GRIA2: variants seen among roughly 807,000 people sequenced by gnomAD.
GRIA2 encodes the protein glutamate receptor 2.
GRIA2 carries 14 observed loss-of-function variants against 97.3 expected under a neutral mutation model. The observed-to-expected ratio is 0.14, with a 90% CI of 0.10 to 0.23. The LOEUF (loss-of-function observed/expected upper bound fraction) is 0.23, where lower values mean the gene tolerates loss of function less well. Ranked by LOEUF, GRIA2 falls within the 10% of genes least tolerant of loss-of-function variation. The pLI, the probability that GRIA2 is intolerant of heterozygous loss-of-function variation, is 1.00. For synonymous variants in GRIA2, 412 were observed against 387.8 expected (o/e 1.06, Z -0.73); for missense variants, 558 against 1,069.8 (o/e 0.52, Z 6.67).
rs1190303877 is a variant in GRIA2, at chr4:157,361,383, A to G, written c.2406+259A>G. On this transcript the variant is annotated intron_variant, in intron 14 of 15. Coordinates refer to ENST00000264426, the MANE Select transcript of GRIA2 (RefSeq NM_001083619.3). The surrounding 1 kb of genome is among the most constrained non-coding windows in gnomAD (Gnocchi z 5.2). ...ACCTGCTGGTTACTTCCAGCGATAC[A>G]TTAATGCTCATTTGGCTCTGCAAAT... Among the ~76,000 whole-genome samples, 2 of 152,186 alleles carry G rather than the reference A, an allele frequency of 1.3e-5. No individual in the cohort carries two copies. Among genetic ancestry groups the G allele is most frequent in the African/African-American group, 2.4e-5 (1 of 41,454 alleles).
Position 157,361,759 on chromosome 4 carries a change from G to A in GRIA2, c.2406+635G>A. 1.4e-6 allele frequency: 1 copy of A among 718,164 alleles called. No homozygotes were observed. The highest frequency in any genetic ancestry group is 1.7e-5 in the South Asian group (1 of 57,374). 44.5% of individuals were successfully genotyped at this position (718,164 alleles called of 1,614,324 possible). On this transcript the variant is annotated intron_variant, in intron 14 of 15. Coordinates refer to ENST00000264426, the MANE Select transcript of GRIA2 (RefSeq NM_001083619.3). This position sits in a 1 kb window ranked among gnomAD's most constrained non-coding sequence, Gnocchi z 5.2. The stretch of plus-strand genomic sequence containing the variant: ...GACCCATCTTAAATAGAATGTAAAT[G>A]CAAATATGCATGAGATGCATAATTT...
intron 4 of GRIA2, 26 bp downstream of exon 4, chr4:157,312,901 AT>A (rs1560760802): frequency 7.5e-7 from 1 of 1,338,174 alleles, no homozygotes; most frequent in Admixed American, 2.0e-5. Flanking sequence ...TTTTCTAATG[AT>A]GCCAGATATA....
At position 157,226,156 on chromosome 4, in the gene GRIA2, T is replaced by A. The variant is rs1729735205; in HGVS notation, c.229+4349T>A. Among the ~76,000 whole-genome samples the A allele has an allele frequency of 2.0e-5, 3 of 152,026 alleles. No individual in the cohort carries two copies. In the South Asian group the frequency reaches 6.2e-4, roughly 31 times the overall value. ...ATGATTTAATAGTTTTATATTTCAA[T>A]TCCATACAACAAAATAAATTATAAA... On this transcript the variant is annotated intron_variant, in intron 2 of 15. Transcript: ENST00000264426.
Position 157,336,358 on chromosome 4 carries a change from T to C in GRIA2, c.1474-19T>C. ...ACCATGACTCCAGGTACTATTACTT[T>C]CCTTTTTTTCCCTTACAGAAAGCTG... On this transcript the variant is annotated intron_variant, in intron 10 of 15. Coordinates refer to ENST00000264426, the MANE Select transcript of GRIA2 (RefSeq NM_001083619.3). 1 of 1,517,882 alleles carries C rather than the reference T, an allele frequency of 6.6e-7. No individual in the cohort carries two copies. Among genetic ancestry groups the C allele is most frequent in the Non-Finnish European group, 8.8e-7 (1 of 1,131,924 alleles). The allele number at this position is 1,517,882 out of a possible 1,614,324, so 94.0% of individuals were successfully genotyped here.
intron 2 of GRIA2, among the ~76,000 whole-genome samples, chr4:157,250,887 A>G (rs1048129054): frequency 6.6e-6 from 1 of 152,104 alleles, no homozygotes; most frequent in African/African-American, 2.4e-5. Context: ...CACAGTTACT[A>G]GAAAGTATTA....
intron 2 of GRIA2, among the ~76,000 whole-genome samples, chr4:157,275,987 A>T (rs1450342251): frequency 6.6e-6 from 1 of 152,060 alleles, no homozygotes; most frequent in East Asian, 1.9e-4. Context: ...TGATTCTTCC[A>T]ACCCATGAGC....
chr4:157,291,560 A>C (rs971467041), intron 2 of GRIA2, among the ~76,000 whole-genome samples: 1 of 151,986 alleles, frequency 6.6e-6, no homozygotes, highest in Admixed American at 6.6e-5. Context: ...GAGCTGCATA[A>C]AAGAGTTTAA....
rs1409633959 is a variant in GRIA2, at chr4:157,342,074, AC to A, written c.2043+614del. 7 of 956,562 alleles carry A rather than the reference AC, an allele frequency of 7.3e-6. No homozygotes were observed. In the African/African-American group the frequency reaches 1.2e-4, roughly 17 times the overall value. 59.3% of individuals were successfully genotyped at this position (956,562 alleles called of 1,614,324 possible). On this transcript the variant is annotated intron_variant, in intron 12 of 15. Transcript: ENST00000264426. ...CTCTGTTTATAGGATAAGCCCAAGG[AC>A]CTGATGTTGGCATAATTTTCTTTCT...
chr4:157,355,516 G>A (rs1183754189), intron 12 of GRIA2, among the ~76,000 whole-genome samples: 5 of 124,584 alleles, frequency 4.0e-5, no homozygotes, highest in Non-Finnish European at 6.9e-5. Context: ...GGACAAGAAC[G>A]AGACTTCATG....
chr4:157,302,400 G>A (rs1733655485), intron 2 of GRIA2, among the ~76,000 whole-genome samples: 1 of 151,994 alleles, frequency 6.6e-6, no homozygotes, highest in African/African-American at 2.4e-5. Context: ...AGGACAGTTG[G>A]GTAGATATTT....
intron 6 of GRIA2, among the ~76,000 whole-genome samples, chr4:157,330,652 T>G (rs1735010911): frequency 1.3e-5 from 2 of 152,010 alleles, no homozygotes. Flanking sequence ...ATGTCTAAAA[T>G]GCATATTTCA....
intron 2 of GRIA2, among the ~76,000 whole-genome samples, chr4:157,302,353 T>C (rs1423233248): frequency 2.0e-5 from 3 of 152,094 alleles, no homozygotes; most frequent in Non-Finnish European, 4.4e-5. Context: ...TATTATATTG[T>C]GGAGAATTGA....
intron 4 of GRIA2, among the ~76,000 whole-genome samples, chr4:157,313,759 A>G (rs542875262): frequency 1.3e-5 from 2 of 151,852 alleles, no homozygotes; most frequent in African/African-American, 4.8e-5. Flanking sequence ...GTGTGTATAC[A>G]TATGCATATA....
At chr4:157,265,730 C>T (rs1312384735) in intron 2 of GRIA2, among the ~76,000 whole-genome samples, 1 of 152,050 alleles carries the variant, frequency 6.6e-6, no homozygotes, top group Non-Finnish European at 1.5e-5. Flanking sequence ...GATGGGAGAC[C>T]TTTATGAGAT....
chr4:157,342,797 A>G (rs1426283870), intron 12 of GRIA2, among the ~76,000 whole-genome samples: 1 of 152,014 alleles, frequency 6.6e-6, no homozygotes, highest in East Asian at 1.9e-4. Flanking sequence ...ACTTGGTGCT[A>G]CTTATGTTGA....
chr4:157,278,135 A>T (rs1732431365), intron 2 of GRIA2, among the ~76,000 whole-genome samples: 1 of 151,614 alleles, frequency 6.6e-6, no homozygotes, highest in African/African-American at 2.4e-5. Context: ...GTTTATGTGG[A>T]GAGAAAAGAA....
At chr4:157,296,582 G>A (rs1009278197) in intron 2 of GRIA2, among the ~76,000 whole-genome samples, 7 of 152,108 alleles carry the variant, frequency 4.6e-5, no homozygotes, top group African/African-American at 1.7e-4. Flanking sequence ...GAATTCTCAT[G>A]AGATAGACAG....
At chr4:157,294,775 C>T (rs1733267254) in intron 2 of GRIA2, among the ~76,000 whole-genome samples, 1 of 152,030 alleles carries the variant, frequency 6.6e-6, no homozygotes, top group Non-Finnish European at 1.5e-5. Context: ...TGGCTGGTGT[C>T]ACAGCAAGGA....
chr4:157,346,594 T>C (rs544674797), intron 12 of GRIA2, among the ~76,000 whole-genome samples: 2 of 152,266 alleles, frequency 1.3e-5, no homozygotes, highest in East Asian at 1.9e-4. Context: ...CATATCGAAA[T>C]AGACCCTTCA....
Sources: allele counts gnomAD v4.1 joint callset (sites outside exome capture counted in the v4.1 genomes callset), GRCh38; gene constraint gnomAD v4.1.1; non-coding constraint Gnocchi (gnomAD v3.1); transcripts MANE v1.5; gene names NCBI Gene and HGNC (gene_info 2026-07-23, HGNC 2026-07-21).